PCCA: variants seen among roughly 807,000 people sequenced by gnomAD.
PCCA encodes propionyl-CoA carboxylase alpha chain, mitochondrial.
Under a neutral mutation model 101.3 loss-of-function variants are expected in PCCA, and 74 were observed. The observed-to-expected ratio is 0.73, with a 90% CI of 0.61 to 0.89. PCCA has a LOEUF of 0.89. Ranked by LOEUF, PCCA falls within the 40% of genes least tolerant of loss-of-function variation. The probability of loss-of-function intolerance (pLI) is 0.00; values close to 1 mark genes in which losing one functional copy is unlikely to be tolerated. For synonymous variants in PCCA, 294 were observed against 313.6 expected (o/e 0.94, Z 0.66); for missense variants, 891 against 907.0 (o/e 0.98, Z 0.23).
At chr13:100,409,726 A>G (rs1442967137) in intron 19 of PCCA, among the ~76,000 whole-genome samples, 1 of 152,096 alleles carries the variant, frequency 6.6e-6, no homozygotes, top group African/African-American at 2.4e-5. Flanking sequence ...TCCAAACTAT[A>G]TCAGTGTGTC....
At position 100,460,940 on chromosome 13, in the gene PCCA, A is replaced by T. The variant is rs1474407489; in HGVS notation, c.1899+11635A>T. Among the ~76,000 whole-genome samples, 4 of 152,178 alleles carry T rather than the reference A, an allele frequency of 2.6e-5. No individual in the cohort carries two copies. The East Asian group carries it at 7.7e-4, about 29-fold the overall frequency. Reference sequence around the variant, plus strand: ...TAGCTTCTAAATGGATGCTGTGCTGATAGATTTATCAGTTCCATTAAAGAA... The same window carrying T: ...TAGCTTCTAAATGGATGCTGTGCTGTTAGATTTATCAGTTCCATTAAAGAA... On this transcript the variant is annotated intron_variant, in intron 21 of 23. Transcript: ENST00000376285.
chr13:100,192,759 GC>G (rs780076775), intron 6 of PCCA, among the ~76,000 whole-genome samples: 9 of 152,144 alleles, frequency 5.9e-5, no homozygotes, highest in Non-Finnish European at 1.3e-4. Context: ...TTAAATGTTT[GC>G]TTGCCCATGC....
At chr13:100,476,379 A>C (rs891991392) in intron 21 of PCCA, among the ~76,000 whole-genome samples, 1 of 152,238 alleles carries the variant, frequency 6.6e-6, no homozygotes, top group Non-Finnish European at 1.5e-5. Context: ...AGTCATTTAG[A>C]TATTAATCCT....
chr13:100,286,238 G>A (rs1405273523), intron 12 of PCCA, among the ~76,000 whole-genome samples: 3 of 152,148 alleles, frequency 2.0e-5, no homozygotes, highest in Non-Finnish European at 4.4e-5. Context: ...TGTCAGCAAG[G>A]CAAGTTATTT....
chr13:100,256,546 A>C (rs989607254), intron 8 of PCCA, among the ~76,000 whole-genome samples: 3 of 152,220 alleles, frequency 2.0e-5, no homozygotes, highest in African/African-American at 7.2e-5. Flanking sequence ...AATTGAATTA[A>C]TTATAAAACG....
In PCCA at chr13:100,527,683, A is replaced by G; in HGVS notation, c.2049A>G (p.Glu683=). 6.2e-7 allele frequency: 1 copy of G among 1,613,526 alleles called. No homozygotes were observed. Among genetic ancestry groups the G allele is most frequent in the Non-Finnish European group, 8.5e-7 (1 of 1,179,400 alleles). The change falls in exon 23 of 24, where the codon GAA becomes GAG. Residue 683 remains glutamate (E), a synonymous_variant. Transcript: ENST00000376285. ...CCATTTTTGTTTTCCAGGTAGCAGA[A>G]GGTCAAGAAATTTGTGTGATTGAAG... ...VSVKPGDAVA[E]GQEICVIEAM... is the part of the protein sequence containing the mutation.
At chr13:100,419,181 A>G (rs2078578544) in intron 19 of PCCA, among the ~76,000 whole-genome samples, 1 of 152,020 alleles carries the variant, frequency 6.6e-6, no homozygotes, top group East Asian at 1.9e-4. Flanking sequence ...AGAAGAGGCT[A>G]TAGAAATTGG....
intron 8 of PCCA, among the ~76,000 whole-genome samples, chr13:100,237,939 C>T (rs1283357): frequency 0.5 from 63,701 of 126,626 alleles, 17,152 homozygotes; most frequent in East Asian, 0.68. Flanking sequence ...TTCTTTCTTT[C>T]TTTTTTTTTT....
At chr13:100,263,139 G>A (rs552688253) in intron 10 of PCCA, among the ~76,000 whole-genome samples, 2 of 152,286 alleles carry the variant, frequency 1.3e-5, no homozygotes, top group East Asian at 1.9e-4. Flanking sequence ...CCAAATGTCC[G>A]TGTAGCTTGC....
At chr13:100,385,590 G>GA (rs2076455777) in intron 19 of PCCA, among the ~76,000 whole-genome samples, 2 of 152,152 alleles carry the variant, frequency 1.3e-5, no homozygotes, top group South Asian at 4.1e-4. Flanking sequence ...TGGCAAAAAT[G>GA]AAAAATGTGT....
intron 6 of PCCA, chr13:100,160,734 A>G (rs560225095): frequency 6.6e-6 from 1 of 152,320 alleles, no homozygotes; most frequent in African/African-American, 2.4e-5. Context: ...TGTTAGGATG[A>G]GGCAAAGACA....
intron 23 of PCCA, among the ~76,000 whole-genome samples, chr13:100,529,469 A>G (rs986133240): frequency 1.3e-5 from 2 of 152,134 alleles, no homozygotes; most frequent in Admixed American, 6.5e-5. Flanking sequence ...TCAGAACACA[A>G]ATTTCGGAAA....
intron 6 of PCCA, among the ~76,000 whole-genome samples, chr13:100,160,332 A>T (rs1277970353): frequency 2.0e-5 from 3 of 151,882 alleles, no homozygotes; most frequent in African/African-American, 7.3e-5. Context: ...GCGAAACCCC[A>T]TCTCTACTAA....
At chr13:100,446,004 A>G (rs1004182487) in intron 20 of PCCA, among the ~76,000 whole-genome samples, 1 of 152,080 alleles carries the variant, frequency 6.6e-6, no homozygotes, top group Non-Finnish European at 1.5e-5. Context: ...GTTTTCCATA[A>G]TGGCTGAATC....
intron 19 of PCCA, among the ~76,000 whole-genome samples, chr13:100,408,753 A>G (rs1358964236): frequency 6.6e-6 from 1 of 152,166 alleles, no homozygotes; most frequent in Non-Finnish European, 1.5e-5. Flanking sequence ...TTTCACAACC[A>G]ACACCTTGCA....
intron 7 of PCCA, among the ~76,000 whole-genome samples, chr13:100,209,871 A>T (rs1262012748): frequency 6.6e-6 from 1 of 152,086 alleles, no homozygotes; most frequent in Non-Finnish European, 1.5e-5. Context: ...ACCCCAGGTG[A>T]TCTGCCTGCT....
At chr13:100,262,020 T>C (rs2062557308) in intron 9 of PCCA, among the ~76,000 whole-genome samples, 1 of 152,242 alleles carries the variant, frequency 6.6e-6, no homozygotes, top group Non-Finnish European at 1.5e-5. Context: ...TGTTTTTTTA[T>C]ATTTTTGCTA....
chr13:100,258,144 A>G (rs2062202006), intron 9 of PCCA, among the ~76,000 whole-genome samples: 1 of 152,190 alleles, frequency 6.6e-6, no homozygotes, highest in Non-Finnish European at 1.5e-5. Flanking sequence ...AGAGTGTGAA[A>G]TATATTCTTT....
chr13:100,530,007 C>T (rs1304849281), intron 23 of PCCA, 91 bp from the exon 24 acceptor site: 1 of 987,576 alleles, frequency 1.0e-6, no homozygotes, highest in Non-Finnish European at 1.6e-6. Context: ...CAGGACTGTG[C>T]ATTTTTAGAA....
Sources: gnomAD v4.1 joint callset for allele counts (sites outside exome capture counted in the v4.1 genomes callset) on GRCh38, gnomAD v4.1.1 for gene constraint, MANE v1.5 for transcripts, NCBI Gene and HGNC (gene_info 2026-07-23, HGNC 2026-07-21) for gene names.